Variants in DGLUCY observed in about 807,000 individuals in gnomAD.
DGLUCY encodes the protein D-glutamate cyclase, also known as D-glutamate cyclase, mitochondrial.
A neutral mutation model predicts 58.5 loss-of-function variants in DGLUCY; 58 were observed. The ratio of observed to expected loss-of-function variants is 0.99; its 90% CI spans 0.80 to 1.23. The LOEUF is 1.23. Ranked by LOEUF, DGLUCY falls within the 50% of genes most tolerant of loss-of-function variation. The pLI is 0.00. For missense variants in DGLUCY, 779 were observed against 784.7 expected, an observed-to-expected ratio of 0.99 and a Z score of 0.09; for synonymous variants, 325 against 314.1, an observed-to-expected ratio of 1.03 and a Z score of -0.37.
At chr14:91,062,420 C>T (rs112070239) in intron 1 of DGLUCY, among the ~76,000 whole-genome samples, 2,034 of 150,258 alleles carry the variant, frequency 0.014, 41 homozygotes, top group African/African-American at 0.047. Flanking sequence ...TGGTGGTGGG[C>T]GCCTGTAATC....
intron 1 of DGLUCY, among the ~76,000 whole-genome samples, chr14:91,074,706 A>G (rs1167896182): frequency 6.6e-6 from 1 of 152,190 alleles, no homozygotes; most frequent in Non-Finnish European, 1.5e-5. Context: ...TTTGCCATTG[A>G]AAGTAATGGC....
At chr14:91,111,854 G>C (rs1313862949), upstream of DGLUCY, among the ~76,000 whole-genome samples, 2 of 152,196 alleles carry the variant, frequency 1.3e-5, no homozygotes, top group Non-Finnish European at 2.9e-5. Flanking sequence ...TGGCTGAATT[G>C]TATTCTACTG....
chr14:91,149,946 T>C (rs765052206), intron 1 of DGLUCY, among the ~76,000 whole-genome samples: 3 of 152,124 alleles, frequency 2.0e-5, no homozygotes, highest in Admixed American at 1.3e-4. Context: ...TTGGGCTGGG[T>C]GCGGTGGCTC....
At chr14:91,154,545 A>ATC (rs1178470638) in intron 1 of DGLUCY, among the ~76,000 whole-genome samples, 1 of 152,212 alleles carries the variant, frequency 6.6e-6, no homozygotes, top group Non-Finnish European at 1.5e-5. Flanking sequence ...CAAGGAATTC[A>ATC]TCTTTTAGCG....
chr14:91,188,948 C>T lies in DGLUCY; in HGVS notation c.973C>T (p.Leu325=), dbSNP rs751852388. 6.2e-7 allele frequency: 1 copy of T among 1,614,052 alleles called. No individual in the cohort carries two copies. Among genetic ancestry groups the T allele is most frequent in the Admixed American group, 1.7e-5 (1 of 59,990 alleles). Residue 325 remains leucine, a synonymous_variant, in exon 9 of 14, where the codon CTG becomes TTG. Coordinates refer to ENST00000256324, the MANE Select transcript of DGLUCY (RefSeq NM_001102368.3). ...GIGHLLCKDE[L]LKASLSLSHA... ...TGGGCACCTGCTCTGTAAAGATGAG[C>T]TGCTGAAGGCCTCTCTCTCGCTGTC...
intron 13 of DGLUCY, among the ~76,000 whole-genome samples, chr14:91,219,722 C>G (rs1462999288): frequency 6.6e-6 from 1 of 152,150 alleles, no homozygotes; most frequent in Non-Finnish European, 1.5e-5. Flanking sequence ...GGGAGAGGCC[C>G]TTGGGTTGTA....
chr14:91,187,950 G>A (rs936588273), intron 8 of DGLUCY, among the ~76,000 whole-genome samples: 2 of 152,078 alleles, frequency 1.3e-5, no homozygotes, highest in African/African-American at 2.4e-5. Flanking sequence ...CTTCTTTGAG[G>A]GAATCCCCAG....
intron 5 of DGLUCY, among the ~76,000 whole-genome samples, chr14:91,171,976 C>T (rs1022820670): frequency 1.3e-5 from 2 of 152,196 alleles, no homozygotes; most frequent in Non-Finnish European, 2.9e-5. Context: ...CCCTTGCAGT[C>T]CCTAGAGAAA....
At chr14:91,185,297 T>C (rs911797383) in intron 8 of DGLUCY, among the ~76,000 whole-genome samples, 1 of 143,680 alleles carries the variant, frequency 7.0e-6, no homozygotes. Context: ...TTTTTTTTTT[T>C]TTTGAGACAG....
chr14:91,164,744 A>G (rs1475792795), intron 3 of DGLUCY, among the ~76,000 whole-genome samples: 2 of 152,108 alleles, frequency 1.3e-5, no homozygotes, highest in African/African-American at 4.8e-5. Context: ...GAATGACACA[A>G]TCACCCCTGT....
At position 91,083,244 on chromosome 14, in the gene DGLUCY, G is replaced by A. The variant is rs140150356; in HGVS notation, c.-82+22540G>A. 4.9e-4 allele frequency among the ~76,000 whole-genome samples: 75 copies of A among 152,292 alleles called. 1 individual carries two copies. Among genetic ancestry groups the A allele is most frequent in the African/African-American group, 1.8e-3 (73 of 41,562 alleles). Reference sequence around the variant, plus strand: ...ACTTAAAGAACAAAGAGAGAAGGCCGGGCGCAGTGGCTCACGTCTGTAATC... The same window carrying A: ...ACTTAAAGAACAAAGAGAGAAGGCCAGGCGCAGTGGCTCACGTCTGTAATC... On this transcript the variant is annotated intron_variant, in intron 1 of 4. Transcript: ENST00000521334.
chr14:91,099,528 CAAA>C (rs11349730), intron 1 of DGLUCY, among the ~76,000 whole-genome samples: 27 of 134,606 alleles, frequency 2.0e-4, no homozygotes, highest in South Asian at 4.8e-4. Flanking sequence ...GACCCAATCT[CAAA>C]AAAAAAAAAA....
At chr14:91,121,676 T>A (rs906335526) in intron 1 of DGLUCY, among the ~76,000 whole-genome samples, 2 of 151,338 alleles carry the variant, frequency 1.3e-5, no homozygotes, top group African/African-American at 4.8e-5. Flanking sequence ...ACTCAACTAA[T>A]GTCTTCAGTG....
In DGLUCY at chr14:91,173,435, C is replaced by G; in HGVS notation, c.603C>G (p.Asp201Glu). The change falls in exon 6 of 14, where the codon GAC (aspartate) becomes GAG (glutamate). Residue 201 changes from aspartate (D) to glutamate (E), a missense_variant. By Grantham distance (45) the Asp-to-Glu change is conservative. Transcript: ENST00000256324. Reference protein sequence around the residue: ...GEQGQPVHMGDPELLGIKELS... With the variant: ...GEQGQPVHMGEPELLGIKELS... ...AGGGGCAACCTGTTCACATGGGCGA[C>G]CCAGGTCAGTGTCTCTCGCTCCTGC... is the stretch of plus-strand genomic sequence containing the variant. 1 of 1,599,822 alleles carries G rather than the reference C, an allele frequency of 6.3e-7. No homozygotes were observed. The highest frequency in any genetic ancestry group is 8.5e-7 in the Non-Finnish European group (1 of 1,175,180).
chr14:91,141,785 A>T (rs2046698837), intron 1 of DGLUCY, among the ~76,000 whole-genome samples: 1 of 151,686 alleles, frequency 6.6e-6, no homozygotes, highest in South Asian at 2.1e-4. Context: ...TCCCGACCTC[A>T]GGTGATTCGC....
chr14:91,169,076 G>A (rs1224308258), intron 4 of DGLUCY, among the ~76,000 whole-genome samples: 1 of 151,490 alleles, frequency 6.6e-6, no homozygotes, highest in South Asian at 2.1e-4. Flanking sequence ...AACAGAGCAA[G>A]ACTCTGTCTC....
At chr14:91,195,448 T>C (rs2050143595) in intron 9 of DGLUCY, among the ~76,000 whole-genome samples, 1 of 152,162 alleles carries the variant, frequency 6.6e-6, no homozygotes, top group African/African-American at 2.4e-5. Flanking sequence ...ATCACTCCAA[T>C]ATAAGTAAGT....
chr14:91,067,546 T>TTTTTTTTTTTC (rs2043844123), intron 1 of DGLUCY, among the ~76,000 whole-genome samples: 1 of 146,412 alleles, frequency 6.8e-6, no homozygotes, highest in Admixed American at 6.8e-5. Flanking sequence ...TACCAATATC[T>TTTTTTTTTTTC]TTTTTTTTTT....
chr14:91,158,353 C>T (rs1341121020), intron 2 of DGLUCY, among the ~76,000 whole-genome samples: 5 of 152,216 alleles, frequency 3.3e-5, no homozygotes, highest in African/African-American at 1.2e-4. Flanking sequence ...ACTAAGTGTT[C>T]TCTCCCCTGT....
Sources: allele counts gnomAD v4.1 joint callset (sites outside exome capture counted in the v4.1 genomes callset), GRCh38; gene constraint gnomAD v4.1.1; transcripts MANE v1.5; gene names NCBI Gene and HGNC (gene_info 2026-07-23, HGNC 2026-07-21).